ATP2B2: variants seen among roughly 807,000 people sequenced by gnomAD.
ATP2B2 encodes the protein ATPase plasma membrane Ca2+ transporting 2, also known as plasma membrane calcium-transporting ATPase 2.
Under a neutral mutation model 120.0 loss-of-function variants are expected in ATP2B2, and 15 were observed. That is an observed-to-expected ratio of 0.12 (90% CI 0.08 to 0.19). The LOEUF is 0.19. Among genes scored for constraint, ATP2B2 ranks in the 10% least tolerant of loss-of-function variants. The pLI is 1.00. For missense variants in ATP2B2, 1,045 were observed against 1,719.8 expected (o/e 0.61, Z 6.94); for synonymous variants, 694 against 700.3 (o/e 0.99, Z 0.14).
chr3:10,390,298 C>T (rs2061806531), intron 5 of ATP2B2, among the ~76,000 whole-genome samples: 1 of 152,150 alleles, frequency 6.6e-6, no homozygotes, highest in African/African-American at 2.4e-5. Flanking sequence ...GATTTGAAGT[C>T]TATGTCAGGA....
At chr3:10,667,905 C>T (rs1352656007) in intron 1 of ATP2B2, among the ~76,000 whole-genome samples, 2 of 152,064 alleles carry the variant, frequency 1.3e-5, no homozygotes, top group African/African-American at 4.8e-5. Flanking sequence ...CTGAGACAAC[C>T]TCATTGGAGG....
chr3:10,354,937 G>A (rs2060671900), intron 14 of ATP2B2, among the ~76,000 whole-genome samples: 1 of 152,104 alleles, frequency 6.6e-6, no homozygotes. Flanking sequence ...GAGTCCAGGA[G>A]GACAGAGCTC....
upstream of ATP2B2, among the ~76,000 whole-genome samples, chr3:10,506,494 C>A (rs890200972): frequency 6.6e-6 from 1 of 152,216 alleles, no homozygotes; most frequent in Non-Finnish European, 1.5e-5. Context: ...GCCAGCTGCT[C>A]ACCTCTTCCT....
chr3:10,703,905 C>G (rs2071857058), intron 1 of ATP2B2, among the ~76,000 whole-genome samples: 1 of 152,202 alleles, frequency 6.6e-6, no homozygotes, highest in Admixed American at 6.5e-5. Flanking sequence ...GCCCTAGTCA[C>G]CCGGGGGCAG....
chr3:10,587,566 G>C (rs1387606457), intron 2 of ATP2B2, among the ~76,000 whole-genome samples: 1 of 152,068 alleles, frequency 6.6e-6, no homozygotes, highest in African/African-American at 2.4e-5. Flanking sequence ...TTTTAGTAGA[G>C]AGAGGGTCTC....
At chr3:10,372,200 T>C (rs112833014) in intron 11 of ATP2B2, 149 bp from the exon 12 acceptor site, 12 of 1,110,152 alleles carry the variant, frequency 1.1e-5, no homozygotes, top group Middle Eastern at 2.7e-4. Context: ...GGATCTTGGT[T>C]GCTGCTGCCT....
Position 10,359,873 on chromosome 3 carries a change from A to C in ATP2B2, c.1901+9T>G, listed in dbSNP as rs1240061921. 8.1e-6 allele frequency: 13 copies of C among 1,614,028 alleles called. No individual in the cohort carries two copies. The highest frequency in any genetic ancestry group is 1.1e-5 in the Non-Finnish European group (13 of 1,180,020). ...AGCCCTCAGCCCCGGTGCCCTGCCC[A>C]GCGCTTACTTCTTGAGCACGATCTC... On this transcript the variant is annotated intron_variant, in intron 13 of 22. Coordinates refer to ENST00000360273, the MANE Select transcript of ATP2B2 (RefSeq NM_001001331.4).
At chr3:10,540,642 T>C (rs11720531) in intron 2 of ATP2B2, among the ~76,000 whole-genome samples, 3,086 of 145,718 alleles carry the variant, frequency 0.021, 65 homozygotes, top group Admixed American at 0.055. Flanking sequence ...CATTGCGTGT[T>C]CTCACTCATA....
chr3:10,511,122 G>A (rs886640407), intron 3 of ATP2B2, among the ~76,000 whole-genome samples: 5 of 152,008 alleles, frequency 3.3e-5, no homozygotes, highest in East Asian at 1.9e-4. Flanking sequence ...TTGCATTTCC[G>A]TGCCTCTGCG....
At chr3:10,542,773 T>C (rs77188086) in intron 2 of ATP2B2, among the ~76,000 whole-genome samples, 2,606 of 152,268 alleles carry the variant, frequency 0.017, 44 homozygotes, top group Admixed American at 0.038. Context: ...TTGTTTTGTT[T>C]TTAGTTTTTA....
intron 21 of ATP2B2, among the ~76,000 whole-genome samples, chr3:10,339,642 C>T (rs1243857448): frequency 6.6e-6 from 1 of 152,222 alleles, no homozygotes; most frequent in Non-Finnish European, 1.5e-5. Flanking sequence ...AGCCCCAGAG[C>T]TGGGGCAGGC....
chr3:10,567,734 G>A (rs1025291726), intron 2 of ATP2B2, among the ~76,000 whole-genome samples: 1 of 152,196 alleles, frequency 6.6e-6, no homozygotes, highest in Non-Finnish European at 1.5e-5. Flanking sequence ...CATGGGGAAT[G>A]TGTGCTTGGC....
intron 1 of ATP2B2, among the ~76,000 whole-genome samples, chr3:10,625,345 T>C (rs2069666970): frequency 6.6e-6 from 1 of 151,252 alleles, no homozygotes; most frequent in African/African-American, 2.4e-5. Flanking sequence ...GGGTCAAGAG[T>C]GAGAAGGTGA....
intron 12 of ATP2B2, among the ~76,000 whole-genome samples, chr3:10,362,823 C>A (rs1239392312): frequency 2.0e-5 from 3 of 152,204 alleles, no homozygotes; most frequent in Non-Finnish European, 4.4e-5. Context: ...CCCTTTCTCT[C>A]TGCAGTATGC....
intron 1 of ATP2B2, among the ~76,000 whole-genome samples, chr3:10,692,122 T>C (rs561109274): frequency 2.9e-4 from 44 of 152,346 alleles, no homozygotes; most frequent in Admixed American, 5.2e-4. Flanking sequence ...AGTGGCTCTA[T>C]TTTTTATTAG....
At chr3:10,512,794 C>G (rs1298894037) in intron 3 of ATP2B2, among the ~76,000 whole-genome samples, 1 of 152,184 alleles carries the variant, frequency 6.6e-6, no homozygotes, top group African/African-American at 2.4e-5. Context: ...CTCCATTGCA[C>G]CCACAGGCGG....
rs1395066620 is a variant in ATP2B2, at chr3:10,449,409, C to T, written c.135G>A (p.Lys45=). The stretch of plus-strand genomic sequence containing the variant: ...CGGTGTCCCCATAAGTCTCCTTGAT[C>T]TTGACCACAGCCTCAGTGCCCCGCA... ...MELRGTEAVV[K]IKETYGDTEA... The change falls in exon 2 of 23, where the codon AAG becomes AAA. Residue 45 remains lysine (K), a synonymous_variant. Transcript: ENST00000360273. 2 of 1,614,148 alleles carry T rather than the reference C, an allele frequency of 1.2e-6. No homozygotes were observed. The highest frequency in any genetic ancestry group is 2.7e-5 in the African/African-American group (2 of 74,944).
chr3:10,364,798 T>C (rs1285882849), intron 12 of ATP2B2, among the ~76,000 whole-genome samples: 2 of 152,112 alleles, frequency 1.3e-5, no homozygotes, highest in Non-Finnish European at 2.9e-5. Flanking sequence ...GTAACTGCAA[T>C]GTGATGATTT....
chr3:10,401,752 A>G (rs559079060), intron 4 of ATP2B2, among the ~76,000 whole-genome samples: 1 of 152,348 alleles, frequency 6.6e-6, no homozygotes, highest in Non-Finnish European at 1.5e-5. Flanking sequence ...CATTCTGAGT[A>G]TTAGTGATTG....
Sources: gnomAD v4.1 joint callset for allele counts (sites outside exome capture counted in the v4.1 genomes callset) on GRCh38, gnomAD v4.1.1 for gene constraint, MANE v1.5 for transcripts, NCBI Gene and HGNC (gene_info 2026-07-23, HGNC 2026-07-21) for gene names.